The following PTPRN2 variants were observed in gnomAD, a reference collection of about 807,000 sequenced individuals.
PTPRN2 encodes the protein protein tyrosine phosphatase receptor type N2.
In PTPRN2, 74 loss-of-function variants were observed where a neutral mutation model predicts 118.8. The ratio of observed to expected loss-of-function variants is 0.62; its 90% CI spans 0.52 to 0.76. The LOEUF (loss-of-function observed/expected upper bound fraction) is 0.76. Among genes scored for constraint, PTPRN2 ranks in the 30% least tolerant of loss-of-function variants. The probability of loss-of-function intolerance (pLI) is 0.00; values close to 1 mark genes in which losing one functional copy is unlikely to be tolerated. For missense variants in PTPRN2, 1,481 were observed against 1,394.4 expected, an observed-to-expected ratio of 1.06 and a Z score of -0.99; for synonymous variants, 641 against 608.0, an observed-to-expected ratio of 1.05 and a Z score of -0.80.
intron 12 of PTPRN2, among the ~76,000 whole-genome samples, chr7:157,892,640 T>A (rs1796872180): frequency 6.6e-6 from 1 of 152,210 alleles, no homozygotes; most frequent in Non-Finnish European, 1.5e-5. Flanking sequence ...TTAGAAGAAT[T>A]TTAAATACAT....
At chr7:158,304,516 T>C (rs765356947) in intron 3 of PTPRN2, among the ~76,000 whole-genome samples, 1 of 151,280 alleles carries the variant, frequency 6.6e-6, no homozygotes, top group South Asian at 2.1e-4. Context: ...AAGACACCCG[T>C]CAATAGGCTA....
In PTPRN2 at chr7:158,179,508, TTTTG is replaced by T. The variant is rs1268849378; in HGVS notation, c.550-12221_550-12218del. Among the ~76,000 whole-genome samples the T allele has an allele frequency of 3.9e-5, 6 of 152,356 alleles. No homozygotes were observed. The East Asian group carries it at 1.2e-3, about 29-fold the overall frequency. On this transcript the variant is annotated intron_variant, in intron 5 of 22. Transcript: ENST00000389418. ...TTCAGTTTAATTAGGTCCAATTTAT[TTTTG>T]TTTTAGTTGCATTTGCTTTTGGGGT...
In PTPRN2 at chr7:157,550,672, C is replaced by T. The variant is rs961942377; in HGVS notation, c.2903-1653G>A. On this transcript the variant is annotated intron_variant, in intron 21 of 22. Coordinates refer to ENST00000389418, the MANE Select transcript of PTPRN2 (RefSeq NM_002847.5). This position sits in a 1 kb window ranked among gnomAD's most constrained non-coding sequence, Gnocchi z 5.2. ...GCTCCCATCCCCTGGTTAAAGGACC[C>T]CATTCTCCTGGGCAGGGAACACCAT... is the stretch of plus-strand genomic sequence containing the variant. Among the ~76,000 whole-genome samples, 2 of 152,226 alleles carry T rather than the reference C, an allele frequency of 1.3e-5. No homozygotes were observed. The highest frequency in any genetic ancestry group is 2.9e-5 in the Non-Finnish European group (2 of 68,040).
chr7:158,367,149 C>T lies in PTPRN2; in HGVS notation c.164-50217G>A, dbSNP rs142762268. On this transcript the variant is annotated intron_variant, in intron 2 of 22. Transcript: ENST00000389418. ...GACACCCACAGAGCTGACTTCTCCT[C>T]GGTCAACCAGCCCCCAGTGCTCGGA... is the stretch of plus-strand genomic sequence containing the variant. Among the ~76,000 whole-genome samples, 393 of 152,288 alleles carry T rather than the reference C, an allele frequency of 2.6e-3. 6 individuals carry two copies. The highest frequency in any genetic ancestry group is 9.1e-3 in the African/African-American group (379 of 41,566).
intron 12 of PTPRN2, among the ~76,000 whole-genome samples, chr7:157,803,561 T>C (rs560430107): frequency 5.9e-5 from 9 of 152,356 alleles, no homozygotes; most frequent in African/African-American, 2.2e-4. Context: ...ACGTTTATGG[T>C]TTCCAGTCTT....
chr7:158,180,784 A>G (rs1478013468), intron 5 of PTPRN2, among the ~76,000 whole-genome samples: 2 of 152,196 alleles, frequency 1.3e-5, no homozygotes, highest in East Asian at 1.9e-4. Flanking sequence ...ATTTGTGTAC[A>G]TTGATTTTGT....
chr7:158,270,975 A>ACCCCCTCCACCTGGGCCT (rs1798435102), intron 3 of PTPRN2, among the ~76,000 whole-genome samples: 1 of 12,388 alleles, frequency 8.1e-5, no homozygotes, highest in Non-Finnish European at 1.4e-4. Flanking sequence ...CACCTGGACC[A>ACCCCCTCCACCTGGGCCT]CCCCCTCCAC....
intron 2 of PTPRN2, among the ~76,000 whole-genome samples, chr7:158,441,077 GGTGCT>G (rs1817063652): frequency 7.1e-6 from 1 of 141,230 alleles, no homozygotes; most frequent in Middle Eastern, 3.4e-3. Context: ...TAGTGATGGT[GGTGCT>G]GGTGGTAGTG....
intron 2 of PTPRN2, among the ~76,000 whole-genome samples, chr7:158,334,717 C>G (rs1805252270): frequency 2.1e-4 from 2 of 9,384 alleles, no homozygotes; most frequent in Non-Finnish European, 7.7e-4. Context: ...CACCTGCAGA[C>G]GTCACACCCA....
At chr7:157,766,071 T>C (rs1437592501) in intron 12 of PTPRN2, among the ~76,000 whole-genome samples, 7 of 122,210 alleles carry the variant, frequency 5.7e-5, no homozygotes, top group African/African-American at 9.5e-5. Flanking sequence ...TCCATCCATC[T>C]ATCCGCCCAC....
chr7:158,217,696 C>T (rs1828048361), intron 3 of PTPRN2, among the ~76,000 whole-genome samples: 1 of 152,068 alleles, frequency 6.6e-6, no homozygotes, highest in East Asian at 1.9e-4. Context: ...AAACTCAATC[C>T]AAGGAAATGA....
intron 9 of PTPRN2, among the ~76,000 whole-genome samples, chr7:158,129,489 C>CACAA (rs1441027809): frequency 1.1e-4 from 14 of 123,898 alleles, no homozygotes; most frequent in South Asian, 7.8e-4. Context: ...ACACACAGCA[C>CACAA]ACACACACAC....
At chr7:158,490,170 C>T (rs116022838) in intron 1 of PTPRN2, among the ~76,000 whole-genome samples, 79 of 152,340 alleles carry the variant, frequency 5.2e-4, no homozygotes, top group African/African-American at 1.8e-3. Flanking sequence ...CGCACCGCGT[C>T]CCTGGAAGCA....
chr7:157,825,234 ACG>A (rs1444909123), intron 12 of PTPRN2, among the ~76,000 whole-genome samples: 4 of 152,118 alleles, frequency 2.6e-5, no homozygotes, highest in Non-Finnish European at 5.9e-5. Flanking sequence ...TCATGGTGGG[ACG>A]CGCGCCCTGC....
rs780582484 is a variant in PTPRN2 at position 158,066,070 on chromosome 7, GTA to G, written c.1723+15226_1723+15227del. On this transcript the variant is annotated intron_variant, in intron 11 of 22. Transcript: ENST00000389418. Reference sequence around the variant, plus strand: ...TCCCACGTCCCTCTGACATGACGTTGTATGTTTCCATTTATTTCCTCTGAAAA... The same window carrying G: ...TCCCACGTCCCTCTGACATGACGTTGTGTTTCCATTTATTTCCTCTGAAAA... 2.6e-5 allele frequency among the ~76,000 whole-genome samples: 4 copies of G among 152,330 alleles called. No homozygotes were observed. In the East Asian group the frequency reaches 5.8e-4, roughly 22 times the overall value.
chr7:158,367,797 T>C lies in PTPRN2; in HGVS notation c.164-50865A>G, dbSNP rs528983006. Among the ~76,000 whole-genome samples, 298 of 152,280 alleles carry C rather than the reference T, an allele frequency of 2.0e-3. 1 individual carries two copies. Among genetic ancestry groups the C allele is most frequent in the African/African-American group, 6.5e-3 (269 of 41,558 alleles). ...CAGAGCCCATCAGATGCTCAGTCAT[T>C]CCCCTCTAAAATGCAACTCTCTCCA... On this transcript the variant is annotated intron_variant, in intron 2 of 22. Transcript: ENST00000389418.
In PTPRN2 at chr7:158,182,423, C is replaced by T. The variant is rs1457111136; in HGVS notation, c.549+9904G>A. ...GGTTTGTTACCTATGTATATGTGTG[C>T]CATGGTGGTTTGCTGCACCTATTGA... On this transcript the variant is annotated intron_variant, in intron 5 of 22. Transcript: ENST00000389418. Among the ~76,000 whole-genome samples, 4 of 152,084 alleles carry T rather than the reference C, an allele frequency of 2.6e-5. 1 individual carries two copies. The highest frequency in any genetic ancestry group is 4.1e-4 in the South Asian group (2 of 4,822).
At chr7:158,394,963 G>A (rs1191680371) in intron 2 of PTPRN2, among the ~76,000 whole-genome samples, 1 of 152,224 alleles carries the variant, frequency 6.6e-6, no homozygotes, top group Non-Finnish European at 1.5e-5. Flanking sequence ...GGGCACCCCA[G>A]CCAGCACTCA....
rs62478431 is a variant in PTPRN2 at position 158,407,634 on chromosome 7, C to G, written c.163+82101G>C. 5.8e-4 allele frequency among the ~76,000 whole-genome samples: 29 copies of G among 49,618 alleles called. 2 individuals are homozygous for G. The highest frequency in any genetic ancestry group is 2.0e-3 in the African/African-American group (27 of 13,356). 32.6% of individuals were successfully genotyped at this position (49,618 alleles called of 152,430 possible). A position where few individuals can be genotyped will look rare whatever the true frequency, so the allele number is the denominator to read the frequency against. On this transcript the variant is annotated intron_variant, in intron 2 of 22. Coordinates refer to ENST00000389418, the MANE Select transcript of PTPRN2 (RefSeq NM_002847.5). ...CCTGGGTCCTGGGTCCTGGGTCCTG[C>G]GTCCTGGGTCCTGGGTCCTGCATCC...
Sources: allele counts gnomAD v4.1 joint callset (sites outside exome capture counted in the v4.1 genomes callset), GRCh38; gene constraint gnomAD v4.1.1; non-coding constraint Gnocchi (gnomAD v3.1); transcripts MANE v1.5; gene names NCBI Gene and HGNC (gene_info 2026-07-23, HGNC 2026-07-21).